Variants in TNN observed in about 807,000 individuals in gnomAD.
The protein encoded by TNN is tenascin-N.
A neutral mutation model predicts 134.4 loss-of-function variants in TNN; 122 were observed. The ratio of observed to expected loss-of-function variants is 0.91; its 90% CI spans 0.78 to 1.06. TNN has a LOEUF of 1.06. TNN is among the 50% of genes least tolerant of loss of function. The probability of loss-of-function intolerance (pLI) is 0.00; values close to 1 mark genes in which losing one functional copy is unlikely to be tolerated. For missense variants in TNN, 1,739 were observed against 1,699.4 expected (o/e 1.02, Z -0.41); for synonymous variants, 710 against 670.3 (o/e 1.06, Z -0.91).
chr1:175,125,701 CTCTCTT>C (rs869152766), intron 12 of TNN, among the ~76,000 whole-genome samples: 14,305 of 102,126 alleles, frequency 0.14, 1,612 homozygotes, highest in Middle Eastern at 0.2. Flanking sequence ...TCTCTTTTTT[CTCTCTT>C]TCTTTCTTTC....
chr1:175,112,176 G>A (rs1305717195), intron 9 of TNN, among the ~76,000 whole-genome samples: 1 of 151,956 alleles, frequency 6.6e-6, no homozygotes, highest in Admixed American at 6.6e-5. Flanking sequence ...TTTATATCTA[G>A]CTTGTTTAGG....
chr1:175,123,354 C>T (rs756451938), intron 11 of TNN, 46 bp from the exon 12 acceptor site: 2 of 1,601,438 alleles, frequency 1.2e-6, no homozygotes, highest in Non-Finnish European at 1.7e-6. Flanking sequence ...GATGCGATGT[C>T]TTCCTTTGTT....
chr1:175,093,919 C>A, intron 6 of TNN, 71 bp from the exon 7 acceptor site: 1 of 1,513,454 alleles, frequency 6.6e-7, no homozygotes, highest in South Asian at 1.3e-5. Flanking sequence ...TGAACTAGAT[C>A]TTTAACAATC....
chr1:175,125,701 C>CTT (rs1675495958), intron 12 of TNN, among the ~76,000 whole-genome samples: 8 of 102,168 alleles, frequency 7.8e-5, no homozygotes, highest in African/African-American at 3.7e-5. Flanking sequence ...TCTCTTTTTT[C>CTT]TCTCTTTCTT....
At chr1:175,084,458 G>C (rs553248064) in intron 5 of TNN, among the ~76,000 whole-genome samples, 2 of 152,302 alleles carry the variant, frequency 1.3e-5, no homozygotes, top group South Asian at 4.1e-4. Context: ...AGCTCAAATG[G>C]CTGCTAAGGA....
rs754245752 is a variant in TNN at position 175,079,388 on chromosome 1, C to T, written c.465C>T (p.Cys155=). Residue 155 remains cysteine (C), a synonymous_variant, in exon 3 of 19, where the codon TGC becomes TGT. Transcript: ENST00000239462. ...HGTFSLETCS[C]HCEEGREGPA... is the part of the protein sequence containing the mutation. Reference sequence around the variant, plus strand: ...CCTTCTCCCTGGAGACCTGCAGCTGCCACTGCGAAGAGGGCAGGGAGGGCC... The same window carrying T: ...CCTTCTCCCTGGAGACCTGCAGCTGTCACTGCGAAGAGGGCAGGGAGGGCC... 6.2e-7 allele frequency: 1 copy of T among 1,600,052 alleles called. No homozygotes were observed. The highest frequency in any genetic ancestry group is 8.5e-7 in the Non-Finnish European group (1 of 1,177,080).
intron 9 of TNN, among the ~76,000 whole-genome samples, chr1:175,104,711 G>A (rs1454899997): frequency 1.4e-5 from 2 of 145,672 alleles, no homozygotes; most frequent in Non-Finnish European, 3.0e-5. Context: ...AGGGCTCAGG[G>A]CTTGCTTTTG....
intron 1 of TNN, among the ~76,000 whole-genome samples, chr1:175,070,273 C>T (rs1474923982): frequency 6.6e-6 from 1 of 152,186 alleles, no homozygotes; most frequent in East Asian, 1.9e-4. Flanking sequence ...CTACCATTAT[C>T]ATCACTCATT....
At chr1:175,111,486 CAAAAAAAAAA>C (rs59538028) in intron 9 of TNN, among the ~76,000 whole-genome samples, 32 of 62,518 alleles carry the variant, frequency 5.1e-4, no homozygotes, top group Admixed American at 3.6e-3. Context: ...GACTCTGTCT[CAAAAAAAAAA>C]AAAAAAAAAA....
chr1:175,128,573 A>G (rs746695263), intron 14 of TNN, 22 bp from the exon 15 acceptor site: 6 of 1,597,082 alleles, frequency 3.8e-6, no homozygotes, highest in Admixed American at 1.7e-5. Flanking sequence ...TCCTAACAAC[A>G]CTCTCTCTGC....
At chr1:175,117,594 A>G (rs1267639736) in intron 10 of TNN, among the ~76,000 whole-genome samples, 2 of 152,256 alleles carry the variant, frequency 1.3e-5, no homozygotes, top group African/African-American at 4.8e-5. Flanking sequence ...CATCTGCCAT[A>G]GCAAGGAGAT....
chr1:175,123,308 T>C, intron 11 of TNN, 92 bp from the exon 12 acceptor site: 1 of 1,407,440 alleles, frequency 7.1e-7, no homozygotes, highest in Non-Finnish European at 9.8e-7. Flanking sequence ...TTATTAATGA[T>C]AACATGATGG....
chr1:175,080,512 C>T lies in TNN; in HGVS notation c.1048+86C>T. The T allele has an allele frequency of 3.9e-6, 6 of 1,528,134 alleles. No individual in the cohort carries two copies. In the South Asian group the frequency reaches 7.4e-5, roughly 19 times the overall value. The allele number at this position is 1,528,134 out of a possible 1,614,324, so 94.7% of individuals were successfully genotyped here. The stretch of plus-strand genomic sequence containing the variant: ...TTCATTAAACACCTGTAGGCAGTTG[C>T]CTTGATTAGGGGTTTGAAAAACACA... On this transcript the variant is annotated intron_variant, in intron 4 of 18. Coordinates refer to ENST00000239462, the MANE Select transcript of TNN (RefSeq NM_022093.2).
Position 175,123,374 on chromosome 1 carries a change from A to C in TNN, c.2651-26A>C, listed in dbSNP as rs769269251. 3.1e-6 allele frequency: 5 copies of C among 1,612,086 alleles called. No individual in the cohort carries two copies. In the South Asian group the frequency reaches 5.5e-5, roughly 18 times the overall value. On this transcript the variant is annotated intron_variant, in intron 11 of 18. Coordinates refer to ENST00000239462, the MANE Select transcript of TNN (RefSeq NM_022093.2). Reference sequence around the variant, plus strand: ...GATGTCTTCCTTTGTTCTAAAGTTCAGCCTTTTCTAAATCTTTTTAAAAAG... The same window carrying C: ...GATGTCTTCCTTTGTTCTAAAGTTCCGCCTTTTCTAAATCTTTTTAAAAAG...
rs1189776019 is a variant in TNN, at chr1:175,098,727, G to A, written c.2119+132G>A. ...TTGGTATCCTCCCATAATACATTGT[G>A]TCCCCCTCACTTCCTTTTACTGGCC... On this transcript the variant is annotated intron_variant, in intron 9 of 18. Transcript: ENST00000239462. 8.3e-6 allele frequency: 11 copies of A among 1,318,004 alleles called. No individual in the cohort carries two copies. The South Asian group carries it at 1.6e-4, about 20-fold the overall frequency. The allele number at this position is 1,318,004 out of a possible 1,614,324, so 81.6% of individuals were successfully genotyped here.
intron 12 of TNN, among the ~76,000 whole-genome samples, chr1:175,126,674 T>G (rs1394111273): frequency 6.6e-6 from 1 of 152,040 alleles, no homozygotes; most frequent in African/African-American, 2.4e-5. Context: ...GCTGTTAATA[T>G]CCACCACTTT....
At chr1:175,075,769 A>G (rs1574138222) in intron 1 of TNN, among the ~76,000 whole-genome samples, 1 of 152,192 alleles carries the variant, frequency 6.6e-6, no homozygotes, top group Non-Finnish European at 1.5e-5. Context: ...CCCACGTTAC[A>G]GACAAGGAGG....
intron 17 of TNN, among the ~76,000 whole-genome samples, chr1:175,140,462 G>C (rs1337742132): frequency 6.6e-6 from 1 of 152,198 alleles, no homozygotes; most frequent in Non-Finnish European, 1.5e-5. Context: ...GTCCTCCCGG[G>C]CTGCACATTT....
chr1:175,067,909 T>C lies in TNN; in HGVS notation c.-62T>C, dbSNP rs1440006942. 2 of 491,996 alleles carry C rather than the reference T, an allele frequency of 4.1e-6. No individual in the cohort carries two copies. The highest frequency in any genetic ancestry group is 4.2e-5 in the Admixed American group (2 of 47,290). 30.5% of individuals were successfully genotyped at this position (491,996 alleles called of 1,614,324 possible). ...GACCGGCTCACAGGAGCAGCAGCAT[T>C]GGAAGAGGCACCCAGCAGCCTCCCA... On this transcript the variant is annotated 5_prime_UTR_variant, in exon 1 of 19. Transcript: ENST00000239462.
Sources: gnomAD v4.1 joint callset for allele counts (sites outside exome capture counted in the v4.1 genomes callset) on GRCh38, gnomAD v4.1.1 for gene constraint, MANE v1.5 for transcripts, NCBI Gene and HGNC (gene_info 2026-07-23, HGNC 2026-07-21) for gene names.